CRACD: variants seen among roughly 807,000 people sequenced by gnomAD.
CRACD encodes the protein capping protein inhibiting regulator of actin dynamics, also known as capping protein-inhibiting regulator of actin dynamics.
In CRACD, 56 loss-of-function variants were observed where a neutral mutation model predicts 106.8. The observed-to-expected ratio is 0.52, with a 90% confidence interval of 0.42 to 0.66. CRACD has a LOEUF of 0.66. CRACD is among the 30% of genes least tolerant of loss of function. CRACD has a pLI of 0.00. For missense variants in CRACD, 1,730 were observed against 1,623.2 expected, an observed-to-expected ratio of 1.07 and a Z score of -1.13; for synonymous variants, 754 against 670.8, an observed-to-expected ratio of 1.12 and a Z score of -1.92.
At chr4:56,288,235 T>C (rs527557721) in intron 3 of CRACD, among the ~76,000 whole-genome samples, 60 of 152,330 alleles carry the variant, frequency 3.9e-4, no homozygotes, top group African/African-American at 1.3e-3. Context: ...TCTTCTTTTT[T>C]TAAAAAATTC....
Position 56,314,289 on chromosome 4 carries a change from G to T in CRACD, c.787G>T (p.Glu263Ter). Reference sequence around the variant, plus strand: ...GGCGCTGGAGAGGAGGCTTTGGGAAGAGAACAGAAGGCAGGAGCTCTTGGA... The same window carrying T: ...GGCGCTGGAGAGGAGGCTTTGGGAATAGAACAGAAGGCAGGAGCTCTTGGA... Reference protein sequence around the residue: ...LQALERRLWEENRRQELLEEE... With the variant: ...LQALERRLWE The change falls in exon 8 of 11, where the codon GAG becomes TAG. Residue 263 changes from glutamate to a stop codon, truncating the protein, a stop_gained. Transcript: ENST00000682029. LOFTEE classifies it high-confidence loss of function. This position sits in a 1 kb window ranked among gnomAD's most constrained non-coding sequence, Gnocchi z 4.4. 6.4e-7 allele frequency: 1 copy of T among 1,556,748 alleles called. No homozygotes were observed. Among genetic ancestry groups the T allele is most frequent in the Middle Eastern group, 1.7e-4 (1 of 5,870 alleles).
chr4:56,264,079 C>A (rs926909520), intron 2 of CRACD, among the ~76,000 whole-genome samples: 2 of 152,144 alleles, frequency 1.3e-5, no homozygotes, highest in Admixed American at 6.6e-5. Flanking sequence ...GCAGGCACAT[C>A]TTCACATGGC....
At chr4:56,259,410 G>A (rs747096992) in intron 2 of CRACD, among the ~76,000 whole-genome samples, 12 of 152,114 alleles carry the variant, frequency 7.9e-5, no homozygotes, top group South Asian at 2.1e-4. Flanking sequence ...CTAAGTAAGC[G>A]CATAGATAAG....
At chr4:56,080,186 A>G (rs1282564544) in intron 1 of CRACD, among the ~76,000 whole-genome samples, 1 of 152,192 alleles carries the variant, frequency 6.6e-6, no homozygotes, top group Non-Finnish European at 1.5e-5. Context: ...CTAAAAGTAA[A>G]TAAATGAAAA....
At chr4:56,109,594 T>C (rs540594252) in intron 1 of CRACD, among the ~76,000 whole-genome samples, 37 of 152,204 alleles carry the variant, frequency 2.4e-4, no homozygotes, top group Non-Finnish European at 4.6e-4. Context: ...GTTTTGCTAA[T>C]TGTATTATGG....
At chr4:56,101,698 GTTTGCAGTGA>G (rs1419021311) in intron 1 of CRACD, among the ~76,000 whole-genome samples, 1 of 146,754 alleles carries the variant, frequency 6.8e-6, no homozygotes, top group Non-Finnish European at 1.5e-5. Flanking sequence ...AGCAGGTAGA[GTTTGCAGTGA>G]GCTGAGATTG....
chr4:56,157,609 T>C (rs975464137), intron 1 of CRACD, among the ~76,000 whole-genome samples: 22 of 152,106 alleles, frequency 1.4e-4, no homozygotes, highest in African/African-American at 4.3e-4. Flanking sequence ...CTTCATGGAG[T>C]CGGTCTTTTA....
chr4:56,294,856 C>G (rs959062678), intron 3 of CRACD, among the ~76,000 whole-genome samples: 1 of 140,510 alleles, frequency 7.1e-6, no homozygotes, highest in Non-Finnish European at 1.5e-5. Flanking sequence ...GGAGGTTACA[C>G]TAAGCCGAGA....
chr4:56,097,338 A>G (rs1275065470), intron 1 of CRACD: 1 of 149,146 alleles, frequency 6.7e-6, no homozygotes, highest in East Asian at 2.0e-4. Context: ...TAACTGCAGT[A>G]AGGGCTCTGC....
chr4:56,061,551 A>G (rs1010970063), intron 1 of CRACD, among the ~76,000 whole-genome samples: 7 of 151,852 alleles, frequency 4.6e-5, no homozygotes, highest in African/African-American at 1.2e-4. Context: ...AGTAATTTCC[A>G]TGTCACTCTG....
At position 56,327,521 on chromosome 4, in the gene CRACD, T is replaced by C. The variant is rs1746528217; in HGVS notation, c.3542-123T>C. The C allele has an allele frequency of 3.0e-5, 25 of 828,892 alleles. No individual in the cohort carries two copies. The East Asian group carries it at 6.4e-4, about 21-fold the overall frequency. 51.3% of individuals were successfully genotyped at this position (828,892 alleles called of 1,614,324 possible). A position where few individuals can be genotyped will look rare whatever the true frequency, so the allele number is the denominator to read the frequency against. On this transcript the variant is annotated intron_variant, in intron 10 of 10. Transcript: ENST00000682029. ...ACAATGTATACATATTTCAAAACAA[T>C]GTTGTACATGACAAATACAGTTTGT...
chr4:56,154,426 G>A (rs540790962), intron 1 of CRACD, among the ~76,000 whole-genome samples: 3 of 152,188 alleles, frequency 2.0e-5, no homozygotes, highest in Admixed American at 6.5e-5. Context: ...AGATCACGCC[G>A]TTGCACTCCA....
chr4:56,183,021 T>C (rs886095258), intron 2 of CRACD, among the ~76,000 whole-genome samples: 11 of 151,386 alleles, frequency 7.3e-5, no homozygotes, highest in African/African-American at 2.4e-4. Flanking sequence ...TCACCTGAGG[T>C]TGGGAGTTTG....
chr4:56,134,346 C>T (rs760557265), intron 1 of CRACD, among the ~76,000 whole-genome samples: 32 of 152,124 alleles, frequency 2.1e-4, no homozygotes, highest in Non-Finnish European at 4.3e-4. Flanking sequence ...AATGTATTAT[C>T]AGTGGTATTG....
chr4:56,132,217 T>G (rs1033947321), intron 1 of CRACD, among the ~76,000 whole-genome samples: 7 of 152,148 alleles, frequency 4.6e-5, no homozygotes, highest in African/African-American at 1.7e-4. Context: ...TTTTGGTATT[T>G]TTAGTAGAGA....
At chr4:56,157,743 A>C (rs1358446346) in intron 1 of CRACD, among the ~76,000 whole-genome samples, 1 of 152,192 alleles carries the variant, frequency 6.6e-6, no homozygotes, top group Non-Finnish European at 1.5e-5. Context: ...TGTTCGAAGA[A>C]TGCTCTGTTT....
At chr4:56,066,841 A>G (rs1577940699) in intron 1 of CRACD, among the ~76,000 whole-genome samples, 2 of 152,278 alleles carry the variant, frequency 1.3e-5, no homozygotes, top group East Asian at 3.9e-4. Context: ...TAATGAATGA[A>G]TGAATGCGTG....
At chr4:56,281,516 A>G (rs1165717542) in intron 3 of CRACD, among the ~76,000 whole-genome samples, 1 of 151,074 alleles carries the variant, frequency 6.6e-6, no homozygotes, top group African/African-American at 2.5e-5. Context: ...GAGCTGTGTG[A>G]CCCTCACCTA....
intron 1 of CRACD, among the ~76,000 whole-genome samples, chr4:56,166,471 A>G (rs1275221388): frequency 1.3e-5 from 2 of 152,080 alleles, no homozygotes; most frequent in Non-Finnish European, 2.9e-5. Flanking sequence ...ACCTGAGGTC[A>G]GGAGTTCAAG....
Sources: gnomAD v4.1 joint callset for allele counts (sites outside exome capture counted in the v4.1 genomes callset) on GRCh38, gnomAD v4.1.1 for gene constraint, Gnocchi (gnomAD v3.1) non-coding constraint, MANE v1.5 for transcripts, NCBI Gene and HGNC (gene_info 2026-07-23, HGNC 2026-07-21) for gene names.